Variants in PLXNA4 observed in about 807,000 individuals in gnomAD.
PLXNA4 encodes the protein plexin-A4.
Under a neutral mutation model 191.8 loss-of-function variants are expected in PLXNA4, and 44 were observed. The ratio of observed to expected loss-of-function variants is 0.23; its 90% CI spans 0.18 to 0.29. The LOEUF (loss-of-function observed/expected upper bound fraction) is 0.29, where lower values mean the gene tolerates loss of function less well. Among genes scored for constraint, PLXNA4 ranks in the 10% least tolerant of loss-of-function variants. PLXNA4 has a pLI of 1.00. For synonymous variants in PLXNA4, 1,082 were observed against 1,009.5 expected (o/e 1.07, Z -1.36); for missense variants, 1,800 against 2,488.8 (o/e 0.72, Z 5.89).
intron 3 of PLXNA4, among the ~76,000 whole-genome samples, chr7:132,312,743 C>T (rs1801792733): frequency 6.6e-6 from 1 of 152,176 alleles, no homozygotes; most frequent in Admixed American, 6.5e-5. Context: ...CCCCTGGTTT[C>T]CTCATCTGGA....
intron 2 of PLXNA4, among the ~76,000 whole-genome samples, chr7:132,614,165 T>G (rs572184334): frequency 2.0e-5 from 3 of 152,360 alleles, no homozygotes; most frequent in Non-Finnish European, 2.9e-5. Context: ...AAAATTACAT[T>G]TTATTTATTT....
chr7:132,512,689 C>G (rs140528655), intron 1 of PLXNA4, among the ~76,000 whole-genome samples: 1 of 152,210 alleles, frequency 6.6e-6, no homozygotes, highest in East Asian at 1.9e-4. Flanking sequence ...TTGGGACCCA[C>G]AGATATGCAG....
intron 3 of PLXNA4, among the ~76,000 whole-genome samples, chr7:132,334,252 CTTTTTTTTTTTT>C (rs71529758): frequency 4.0e-5 from 3 of 75,608 alleles, no homozygotes; most frequent in Non-Finnish European, 7.2e-5. Context: ...TTCTTTCTTT[CTTTTTTTTTTTT>C]TTTTTTTTTT....
chr7:132,272,089 T>C (rs562766966), intron 4 of PLXNA4, among the ~76,000 whole-genome samples: 5 of 152,286 alleles, frequency 3.3e-5, no homozygotes, highest in South Asian at 4.1e-4. Flanking sequence ...TAGGTTTTTC[T>C]TCTGCATTTC....
intron 4 of PLXNA4, among the ~76,000 whole-genome samples, chr7:132,249,674 C>T (rs900090320): frequency 6.6e-5 from 10 of 152,192 alleles, no homozygotes; most frequent in Admixed American, 5.9e-4. Context: ...CGCAGCAGGG[C>T]GGTGGCAAAG....
chr7:132,423,181 G>C (rs1794910236), intron 3 of PLXNA4, among the ~76,000 whole-genome samples: 1 of 152,230 alleles, frequency 6.6e-6, no homozygotes, highest in Non-Finnish European at 1.5e-5. Flanking sequence ...CCCTGCGGAG[G>C]CTCTGCATTC....
chr7:132,519,546 C>T (rs1349251273), intron 1 of PLXNA4, among the ~76,000 whole-genome samples: 2 of 152,198 alleles, frequency 1.3e-5, no homozygotes, highest in African/African-American at 4.8e-5. Flanking sequence ...GAGGCTTGTC[C>T]AGCTGACATT....
At chr7:132,199,766 C>T (rs1797372476) in intron 12 of PLXNA4, among the ~76,000 whole-genome samples, 1 of 152,222 alleles carries the variant, frequency 6.6e-6, no homozygotes, top group Non-Finnish European at 1.5e-5. Flanking sequence ...CTGTGCTGCC[C>T]TCCCCACCAA....
chr7:132,499,209 C>T (rs1457142572), intron 2 of PLXNA4, among the ~76,000 whole-genome samples: 1 of 152,250 alleles, frequency 6.6e-6, no homozygotes, highest in Non-Finnish European at 1.5e-5. Context: ...AACCCATGAC[C>T]TTCTCCTCAT....
At chr7:132,600,791 T>C (rs1461242720) in intron 2 of PLXNA4, among the ~76,000 whole-genome samples, 1 of 152,186 alleles carries the variant, frequency 6.6e-6, no homozygotes, top group African/African-American at 2.4e-5. Flanking sequence ...TTGTCTATAG[T>C]TCTTTAAATT....
intron 1 of PLXNA4, among the ~76,000 whole-genome samples, chr7:132,648,247 C>T (rs1166365417): frequency 2.0e-5 from 3 of 152,196 alleles, no homozygotes; most frequent in South Asian, 2.1e-4. Context: ...TCCTTCTAAG[C>T]ACAGAAACGC....
At chr7:132,580,437 T>G (rs1391554104), upstream of PLXNA4, among the ~76,000 whole-genome samples, 1 of 152,144 alleles carries the variant, frequency 6.6e-6, no homozygotes, top group Non-Finnish European at 1.5e-5. Flanking sequence ...TGTGAGTCAC[T>G]CCCTCTACCT....
intron 3 of PLXNA4, among the ~76,000 whole-genome samples, chr7:132,400,724 C>T (rs1008493647): frequency 6.6e-6 from 1 of 152,176 alleles, no homozygotes. Flanking sequence ...CACAGCTACT[C>T]CCCAAACCTT....
intron 3 of PLXNA4, among the ~76,000 whole-genome samples, chr7:132,382,857 A>G (rs1267733880): frequency 6.6e-6 from 1 of 152,168 alleles, no homozygotes; most frequent in Non-Finnish European, 1.5e-5. Context: ...GTGCATGTGT[A>G]TATTTATATA....
rs748403504 is a variant in PLXNA4 at position 132,507,974 on chromosome 7, A to T, written c.720T>A (p.Phe240Leu). The T allele has an allele frequency of 6.2e-7, 1 of 1,614,212 alleles. No homozygotes were observed. The highest frequency in any genetic ancestry group is 1.7e-5 in the Admixed American group (1 of 60,034). ...PSDTFTIIPD[F>L]DIYYVYGFSS... ...TAAAACCATAGACATAGTAGATATC[A>T]AAGTCAGGGATGATGGTGAAGGTGT... is the stretch of plus-strand genomic sequence containing the variant. The change falls in exon 2 of 32, where the codon TTT (phenylalanine) becomes TTA (leucine). Residue 240 changes from phenylalanine (F) to leucine (L), a missense_variant. Around this residue, in one of 6 missense-constraint regions of PLXNA4, gnomAD observed 1,397 missense variants for 1,880.4 expected, o/e 0.74. Coordinates refer to ENST00000321063, the MANE Select transcript of PLXNA4 (RefSeq NM_020911.2).
chr7:132,369,930 TG>T (rs1804359396), intron 3 of PLXNA4, among the ~76,000 whole-genome samples: 1 of 151,878 alleles, frequency 6.6e-6, no homozygotes, highest in East Asian at 1.9e-4. Flanking sequence ...TAGCCGGGTG[TG>T]GTGCCAGGTG....
At chr7:132,402,457 C>T (rs997745769) in intron 3 of PLXNA4, among the ~76,000 whole-genome samples, 1 of 152,200 alleles carries the variant, frequency 6.6e-6, no homozygotes, top group African/African-American at 2.4e-5. Context: ...TTCTAAATGC[C>T]TTGGAGAACA....
chr7:132,609,873 A>T (rs1803013475), intron 2 of PLXNA4, among the ~76,000 whole-genome samples: 1 of 152,196 alleles, frequency 6.6e-6, no homozygotes, highest in Non-Finnish European at 1.5e-5. Flanking sequence ...ACACTCCATG[A>T]GCACTGGCTT....
chr7:132,364,617 C>T lies in PLXNA4; in HGVS notation c.1372-66395G>A, dbSNP rs148831019. Reference sequence around the variant, plus strand: ...GAGGGTCATTTAGCCCCCTTTCTGCCTGGACTGGACATTAGCAAAACCATC... The same window carrying T: ...GAGGGTCATTTAGCCCCCTTTCTGCTTGGACTGGACATTAGCAAAACCATC... On this transcript the variant is annotated intron_variant, in intron 3 of 31. Coordinates refer to ENST00000321063, the MANE Select transcript of PLXNA4 (RefSeq NM_020911.2). 2.1e-3 allele frequency among the ~76,000 whole-genome samples: 321 copies of T among 152,282 alleles called. 1 individual carries two copies. Among genetic ancestry groups the T allele is most frequent in the African/African-American group, 7.6e-3 (314 of 41,556 alleles).
Sources: allele counts gnomAD v4.1 joint callset (sites outside exome capture counted in the v4.1 genomes callset), GRCh38; gene constraint gnomAD v4.1.1; regional missense constraint gnomAD v4.1.1; transcripts MANE v1.5; gene names NCBI Gene and HGNC (gene_info 2026-07-23, HGNC 2026-07-21).